The following ANKRD62 variants were observed in gnomAD, a reference collection of about 807,000 sequenced individuals.
ANKRD62 encodes ankyrin repeat domain 62.
Under a neutral mutation model 98.8 loss-of-function variants are expected in ANKRD62, and 61 were observed. That is an observed-to-expected ratio of 0.62 (90% CI 0.50 to 0.76). The LOEUF (loss-of-function observed/expected upper bound fraction) is 0.76, where lower values mean the gene tolerates loss of function less well. Among genes scored for constraint, ANKRD62 ranks in the 30% least tolerant of loss-of-function variants. The pLI, the probability that ANKRD62 is intolerant of heterozygous loss-of-function variation, is 0.00. For synonymous variants in ANKRD62, 341 were observed against 367.9 expected (o/e 0.93, Z 0.84); for missense variants, 933 against 1,082.9 (o/e 0.86, Z 1.94).
At chr18:12,114,723 C>T (rs1909622864) in intron 8 of ANKRD62, among the ~76,000 whole-genome samples, 1 of 152,048 alleles carries the variant, frequency 6.6e-6, no homozygotes, top group Non-Finnish European at 1.5e-5. Context: ...TCAAATAGGT[C>T]TTAGTACCAG....
At chr18:12,158,005 C>A in the ANKRD62 span, among the ~76,000 whole-genome samples, 1 of 152,208 alleles carries the variant, frequency 6.6e-6, no homozygotes, top group African/African-American at 2.4e-5. Context: ...GAACATCTTA[C>A]CCTTGGGTAG....
chr18:12,154,381 A>G, the ANKRD62 span, among the ~76,000 whole-genome samples: 1 of 152,260 alleles, frequency 6.6e-6, no homozygotes, highest in Admixed American at 6.5e-5. Context: ...AATGCAAATC[A>G]AATCCACAAT....
At position 12,126,158 on chromosome 18, in the gene ANKRD62, A is replaced by G. The variant is rs904322204; in HGVS notation, c.2337A>G (p.Leu779=). 8 of 1,536,010 alleles carry G rather than the reference A, an allele frequency of 5.2e-6. No individual in the cohort carries two copies. The African/African-American group carries it at 1.1e-4, about 21-fold the overall frequency. Residue 779 remains leucine, a synonymous_variant, in exon 13 of 14, where the codon CTA becomes CTG. Coordinates refer to ENST00000587848, the MANE Select transcript of ANKRD62 (RefSeq NM_001277333.2). ...CTGTAGAGGATGGACTATTTCAACT[A>G]CAAAGCCAAAATCTGTTGTATCAAC... is the stretch of plus-strand genomic sequence containing the variant. ...QQSVEDGLFQ[L]QSQNLLYQQQ...
At chr18:12,152,128 C>T in the ANKRD62 span, among the ~76,000 whole-genome samples, 3 of 134,518 alleles carry the variant, frequency 2.2e-5, no homozygotes, top group Non-Finnish European at 3.1e-5. Context: ...CAGCCAGATT[C>T]GACCAGATGC....
At chr18:12,121,299 A>C (rs1248991760) in intron 10 of ANKRD62, among the ~76,000 whole-genome samples, 1 of 152,110 alleles carries the variant, frequency 6.6e-6, no homozygotes, top group African/African-American at 2.4e-5. Context: ...GCCACTCCTG[A>C]GGCAAGAGTT....
rs79788735 is a variant in ANKRD62, at chr18:12,122,280, A to G, written c.1241-23A>G. The G allele has an allele frequency of 1.0e-4, 155 of 1,514,412 alleles. 1 individual carries two copies. In the East Asian group the frequency reaches 3.8e-3, roughly 37 times the overall value. 93.8% of individuals were successfully genotyped at this position (1,514,412 alleles called of 1,614,324 possible). A position where few individuals can be genotyped will look rare whatever the true frequency, so the allele number is the denominator to read the frequency against. ...AAACCTACTCATGTATTTTATCTCT[A>G]TTTTGTCTTCTCCTGGTAACAGATT... On this transcript the variant is annotated intron_variant, in intron 10 of 13. Transcript: ENST00000587848.
chr18:12,122,401 C>T lies in ANKRD62; in HGVS notation c.1339C>T (p.Gln447Ter). Residue 447 changes from glutamine (Q) to a stop codon, truncating the protein, a stop_gained, in exon 11 of 14, where the codon CAA becomes TAA. Transcript: ENST00000587848. LOFTEE classifies it high-confidence loss of function. ...CTGTGAACGACTTAAAGTAAAATTTCAAAAAATGAAAAATAATATTAGCGT... is the reference window on the plus strand; with the variant it reads ...CTGTGAACGACTTAAAGTAAAATTTTAAAAAATGAAAAATAATATTAGCGT... ...CYCERLKVKF[Q>*]KMKNNISVLQ... 1.3e-6 allele frequency: 2 copies of T among 1,534,772 alleles called. No individual in the cohort carries two copies. Among genetic ancestry groups the T allele is most frequent in the Non-Finnish European group, 1.7e-6 (2 of 1,146,356 alleles).
At chr18:12,163,865 C>A in the ANKRD62 span, among the ~76,000 whole-genome samples, 2 of 151,952 alleles carry the variant, frequency 1.3e-5, no homozygotes, top group African/African-American at 4.8e-5. Flanking sequence ...GGATAAATTT[C>A]ACTTGGTCAT....
chr18:12,145,977 G>A, the ANKRD62 span, among the ~76,000 whole-genome samples: 26 of 151,936 alleles, frequency 1.7e-4, no homozygotes, highest in East Asian at 3.7e-3. Context: ...TTCCTTGGCC[G>A]ACAGACATCT....
At chr18:12,103,263 C>T (rs1277767223) in intron 7 of ANKRD62, 35 bp downstream of exon 7, 1 of 1,273,086 alleles carries the variant, frequency 7.9e-7, no homozygotes, top group East Asian at 2.9e-5. Flanking sequence ...TTCTGGTTTT[C>T]TTTGGTAATG....
chr18:12,150,762 T>C, the ANKRD62 span, among the ~76,000 whole-genome samples: 1 of 152,196 alleles, frequency 6.6e-6, no homozygotes, highest in East Asian at 1.9e-4. Flanking sequence ...TTGAGGGAGT[T>C]TGTTATCACC....
the ANKRD62 span, among the ~76,000 whole-genome samples, chr18:12,171,827 T>C: frequency 2.0e-5 from 3 of 152,224 alleles, no homozygotes; most frequent in South Asian, 4.1e-4. Context: ...TCTTGGAGGC[T>C]TTGTTCATTT....
At chr18:12,106,111 T>TA (rs1351063542) in intron 7 of ANKRD62, among the ~76,000 whole-genome samples, 2 of 152,220 alleles carry the variant, frequency 1.3e-5, no homozygotes, top group Non-Finnish European at 2.9e-5. Flanking sequence ...TGTTAAGGCT[T>TA]ACAATTTCAT....
At chr18:12,168,419 A>C in the ANKRD62 span, among the ~76,000 whole-genome samples, 1,728 of 152,204 alleles carry the variant, frequency 0.011, 23 homozygotes, top group Middle Eastern at 0.054. Context: ...TGTTTTTGTC[A>C]GGTTTGTCAA....
intron 8 of ANKRD62, among the ~76,000 whole-genome samples, chr18:12,107,842 TACAC>T (rs541154264): frequency 2.2e-4 from 33 of 152,126 alleles, no homozygotes; most frequent in Non-Finnish European, 4.0e-4. Context: ...AGTTTACACA[TACAC>T]ACAAGCAGTT....
rs1224244206 is a variant in ANKRD62 at position 12,113,520 on chromosome 18, G to A, written c.1065-1568G>A. ...ACTCGCCTATAATCCCTGCTACACA[G>A]GAGGCTAAGGCAGGAGAATTGCCTG... On this transcript the variant is annotated intron_variant, in intron 8 of 13. Transcript: ENST00000587848. 4.6e-5 allele frequency among the ~76,000 whole-genome samples: 7 copies of A among 152,194 alleles called. No homozygotes were observed. In the East Asian group the frequency reaches 1.2e-3, roughly 25 times the overall value.
At chr18:12,169,199 CCT>C in the ANKRD62 span, among the ~76,000 whole-genome samples, 2 of 152,122 alleles carry the variant, frequency 1.3e-5, no homozygotes, top group African/African-American at 2.4e-5. Flanking sequence ...AGAGGGCATC[CCT>C]GTCTTGTGCG....
chr18:12,180,944 C>CG, the ANKRD62 span, among the ~76,000 whole-genome samples: 1 of 139,044 alleles, frequency 7.2e-6, no homozygotes. Flanking sequence ...TCCCTCCCCC[C>CG]CCACCTCACA....
intron 7 of ANKRD62, 139 bp from the exon 8 acceptor site, chr18:12,107,156 A>C (rs1909431751): frequency 3.3e-6 from 1 of 303,510 alleles, no homozygotes; most frequent in Admixed American, 5.1e-5. Flanking sequence ...ATATAATGAA[A>C]AAGTAAGCAC....
Sources: allele counts gnomAD v4.1 joint callset (sites outside exome capture counted in the v4.1 genomes callset), GRCh38; gene constraint gnomAD v4.1.1; transcripts MANE v1.5; gene names NCBI Gene and HGNC (gene_info 2026-07-23, HGNC 2026-07-21).